BRAF: variants seen among roughly 807,000 people sequenced by gnomAD.
BRAF encodes B-Raf proto-oncogene, serine/threonine kinase, also known as serine/threonine-protein kinase B-raf.
BRAF carries 16 observed loss-of-function variants against 104.6 expected under a neutral mutation model. The observed-to-expected ratio is 0.15, with a 90% confidence interval of 0.10 to 0.23. BRAF has a LOEUF of 0.23. BRAF is among the 10% of genes least tolerant of loss of function. The pLI is 1.00. For synonymous variants in BRAF, 310 were observed against 341.6 expected (o/e 0.91, Z 1.02); for missense variants, 541 against 937.3 (o/e 0.58, Z 5.52).
At position 140,924,692 on chromosome 7, in the gene BRAF, C is replaced by A. The variant is rs1818686945; in HGVS notation, c.12G>T (p.Leu4=). The change falls in exon 1 of 20, where the codon CTG becomes CTT. Residue 4 remains leucine, a synonymous_variant. Coordinates refer to ENST00000644969, the MANE Select transcript of BRAF (RefSeq NM_001374258.1). This position sits in a 1 kb window ranked among gnomAD's most constrained non-coding sequence, Gnocchi z 4.2. MAA[L]SGGGGGGAEP... ...CCGCGCCGCCACCACCGCCACCGCTCAGCGCCGCCATCTTATAACCGAGAG... is the reference window on the plus strand; with the variant it reads ...CCGCGCCGCCACCACCGCCACCGCTAAGCGCCGCCATCTTATAACCGAGAG... The A allele has an allele frequency of 1.8e-6, 2 of 1,084,086 alleles. No individual in the cohort carries two copies. Among genetic ancestry groups the A allele is most frequent in the African/African-American group, 3.3e-5 (2 of 60,746 alleles). The allele number at this position is 1,084,086 out of a possible 1,614,324, so 67.2% of individuals were successfully genotyped here.
rs373396067 is a variant in BRAF, at chr7:140,903,964, TA to T, written c.138+20601del. ...TGGGAAGTTACTTCTTATGGATGAG[TA>T]AAAAAAGTGGTTTCTTGACATGAAC... On this transcript the variant is annotated intron_variant, in intron 1 of 19. Transcript: ENST00000644969. Among the ~76,000 whole-genome samples, 23 of 152,232 alleles carry T rather than the reference TA, an allele frequency of 1.5e-4. No homozygotes were observed. In the East Asian group the frequency reaches 3.7e-3, roughly 24 times the overall value.
intron 10 of BRAF, chr7:140,783,360 A>G (rs1040619311): frequency 8.4e-6 from 5 of 597,038 alleles, no homozygotes; most frequent in Non-Finnish European, 1.4e-5. Context: ...GGCCAATTTA[A>G]TGACCTTTAA....
At chr7:140,840,187 A>G (rs1386787456) in intron 2 of BRAF, among the ~76,000 whole-genome samples, 2 of 152,220 alleles carry the variant, frequency 1.3e-5, no homozygotes, top group Non-Finnish European at 2.9e-5. Context: ...CTCTGCAGGC[A>G]GCAAGCAACT....
intron 2 of BRAF, among the ~76,000 whole-genome samples, chr7:140,841,648 T>C (rs1002611759): frequency 1.3e-5 from 2 of 152,162 alleles, no homozygotes; most frequent in Non-Finnish European, 2.9e-5. Context: ...AAAGGCCACA[T>C]AATATAATTC....
At chr7:140,734,028 T>TA (rs1161297617) in intron 19 of BRAF, 4 of 1,038,180 alleles carry the variant, frequency 3.9e-6, no homozygotes, top group Middle Eastern at 4.5e-4. Flanking sequence ...AAAAGAAACT[T>TA]AGTTTATTGC....
chr7:140,762,500 A>C (rs1036824908), intron 14 of BRAF, among the ~76,000 whole-genome samples: 2 of 151,978 alleles, frequency 1.3e-5, no homozygotes, highest in Admixed American at 6.6e-5. Context: ...AAGAGCAAAC[A>C]CATTCAAAAG....
At chr7:140,739,487 G>A (rs1329505644) in intron 18 of BRAF, among the ~76,000 whole-genome samples, 1 of 141,298 alleles carries the variant, frequency 7.1e-6, no homozygotes, top group East Asian at 2.3e-4. Flanking sequence ...TTCTAATAAG[G>A]AATTAAAACT....
intron 3 of BRAF, among the ~76,000 whole-genome samples, chr7:140,814,201 G>A (rs1375564741): frequency 6.6e-6 from 1 of 152,046 alleles, no homozygotes; most frequent in East Asian, 1.9e-4. Flanking sequence ...TCTTAAAAAG[G>A]AGCCAGAGTC....
At chr7:140,781,323 G>T in intron 12 of BRAF, 1 of 491,596 alleles carries the variant, frequency 2.0e-6, no homozygotes, top group Non-Finnish European at 3.7e-6. Flanking sequence ...ATCCTTTTGA[G>T]GACTAGTTAA....
intron 17 of BRAF, among the ~76,000 whole-genome samples, chr7:140,743,273 C>T (rs1165349228): frequency 1.2e-4 from 18 of 151,392 alleles, no homozygotes; most frequent in Non-Finnish European, 1.8e-4. Context: ...CACATGCACA[C>T]GTATGTTTAT....
chr7:140,811,446 G>C (rs937970145), intron 3 of BRAF, among the ~76,000 whole-genome samples: 2 of 152,150 alleles, frequency 1.3e-5, no homozygotes, highest in Non-Finnish European at 2.9e-5. Context: ...CAGGGGAGAG[G>C]GGAGTAGGAG....
downstream of BRAF, among the ~76,000 whole-genome samples, chr7:140,716,758 G>A (rs1213839603): frequency 1.3e-5 from 2 of 152,184 alleles, no homozygotes; most frequent in African/African-American, 4.8e-5. Flanking sequence ...ACCACAATTA[G>A]TTGTCTAATA....
At chr7:140,902,570 T>C (rs916581660) in intron 1 of BRAF, among the ~76,000 whole-genome samples, 1 of 152,218 alleles carries the variant, frequency 6.6e-6, no homozygotes, top group African/African-American at 2.4e-5. Context: ...AACAGCCAGA[T>C]TGTAAATGCA....
At chr7:140,840,871 C>T (rs963111895) in intron 2 of BRAF, among the ~76,000 whole-genome samples, 4 of 151,412 alleles carry the variant, frequency 2.6e-5, no homozygotes, top group African/African-American at 4.8e-5. Context: ...TGCACCACCA[C>T]GCCTGGATAA....
chr7:140,876,061 T>C (rs1386642580), intron 1 of BRAF, among the ~76,000 whole-genome samples: 1 of 152,166 alleles, frequency 6.6e-6, no homozygotes, highest in Non-Finnish European at 1.5e-5. Flanking sequence ...CTCCTCTTAG[T>C]TTCCTTAAAT....
intron 14 of BRAF, among the ~76,000 whole-genome samples, chr7:140,776,460 T>C (rs1409206459): frequency 6.6e-6 from 1 of 152,208 alleles, no homozygotes; most frequent in African/African-American, 2.4e-5. Flanking sequence ...GAACTCACTC[T>C]GAAATCCTCA....
chr7:140,741,887 G>C (rs1190503283), intron 17 of BRAF, among the ~76,000 whole-genome samples: 1 of 151,888 alleles, frequency 6.6e-6, no homozygotes, highest in Non-Finnish European at 1.5e-5. Context: ...AACCCAGGAG[G>C]CAGAGGTTGC....
At chr7:140,786,018 C>G (rs1407922560) in intron 9 of BRAF, among the ~76,000 whole-genome samples, 3 of 152,174 alleles carry the variant, frequency 2.0e-5, no homozygotes, top group Non-Finnish European at 4.4e-5. Flanking sequence ...CTTTTAGGTA[C>G]TAAGCAGGCT....
At chr7:140,895,792 A>G (rs1202203496) in intron 1 of BRAF, among the ~76,000 whole-genome samples, 1 of 152,126 alleles carries the variant, frequency 6.6e-6, no homozygotes, top group Non-Finnish European at 1.5e-5. Context: ...ATTCCATCGG[A>G]TGCTATACAA....
Sources: allele counts gnomAD v4.1 joint callset (sites outside exome capture counted in the v4.1 genomes callset), GRCh38; gene constraint gnomAD v4.1.1; non-coding constraint Gnocchi (gnomAD v3.1); transcripts MANE v1.5; gene names NCBI Gene and HGNC (gene_info 2026-07-23, HGNC 2026-07-21).